SORCS3: variants seen among roughly 807,000 people sequenced by gnomAD.
SORCS3 encodes VPS10 domain-containing receptor SorCS3.
A neutral mutation model predicts 146.3 loss-of-function variants in SORCS3; 57 were observed. That is an observed-to-expected ratio of 0.39 (90% CI 0.31 to 0.49). SORCS3 has a LOEUF of 0.49. Among genes scored for constraint, SORCS3 ranks in the 20% least tolerant of loss-of-function variants. The pLI, the probability that SORCS3 is intolerant of heterozygous loss-of-function variation, is 0.92. For missense variants in SORCS3, 1,341 were observed against 1,575.5 expected (o/e 0.85, Z 2.52); for synonymous variants, 653 against 618.5 (o/e 1.06, Z -0.83).
intron 3 of SORCS3, among the ~76,000 whole-genome samples, chr10:104,938,679 A>G (rs1046330837): frequency 2.0e-5 from 3 of 151,940 alleles, no homozygotes; most frequent in Non-Finnish European, 4.4e-5. Flanking sequence ...ATTTCCACCA[A>G]CATATTATCT....
At chr10:104,930,059 AG>A (rs11292670) in intron 3 of SORCS3, among the ~76,000 whole-genome samples, 43,014 of 152,100 alleles carry the variant, frequency 0.28, 7,977 homozygotes, top group African/African-American at 0.53. Context: ...AGAAAATGGC[AG>A]AGAAATAATT....
intron 4 of SORCS3, among the ~76,000 whole-genome samples, chr10:105,036,435 A>G (rs1343793724): frequency 6.6e-6 from 1 of 152,120 alleles, no homozygotes; most frequent in Non-Finnish European, 1.5e-5. Context: ...ACACTTTGGC[A>G]CTGAGCCTTG....
At chr10:104,729,818 T>G (rs1038813255) in intron 1 of SORCS3, among the ~76,000 whole-genome samples, 9 of 152,154 alleles carry the variant, frequency 5.9e-5, no homozygotes, top group Non-Finnish European at 1.3e-4. Flanking sequence ...AACTTGGAGA[T>G]AAAACAAAAG....
At chr10:104,883,504 T>A (rs1448260281) in intron 2 of SORCS3, among the ~76,000 whole-genome samples, 2 of 152,178 alleles carry the variant, frequency 1.3e-5, no homozygotes, top group Non-Finnish European at 2.9e-5. Context: ...TATGTACTTT[T>A]AAAGGCAAAA....
intron 5 of SORCS3, among the ~76,000 whole-genome samples, chr10:105,053,929 T>C (rs1185629082): frequency 6.6e-6 from 1 of 152,084 alleles, no homozygotes; most frequent in Non-Finnish European, 1.5e-5. Context: ...AATATTGTCG[T>C]GTCAAATCCA....
intron 12 of SORCS3, among the ~76,000 whole-genome samples, chr10:105,165,857 G>C (rs1211110583): frequency 6.6e-6 from 1 of 152,032 alleles, no homozygotes; most frequent in African/African-American, 2.4e-5. Flanking sequence ...TCCAGTACTA[G>C]ACAGGGCAAA....
chr10:104,950,184 A>G (rs1354976269), intron 3 of SORCS3, among the ~76,000 whole-genome samples: 1 of 152,210 alleles, frequency 6.6e-6, no homozygotes, highest in Non-Finnish European at 1.5e-5. Flanking sequence ...TACTTCACTC[A>G]AGATCCTTTT....
At chr10:104,751,575 G>A (rs2016983610) in intron 1 of SORCS3, among the ~76,000 whole-genome samples, 1 of 152,118 alleles carries the variant, frequency 6.6e-6, no homozygotes, top group African/African-American at 2.4e-5. Flanking sequence ...AAGGCACGGT[G>A]AGTGAATGAG....
intron 4 of SORCS3, among the ~76,000 whole-genome samples, chr10:104,992,709 T>G (rs2055002031): frequency 6.6e-6 from 1 of 152,164 alleles, no homozygotes; most frequent in Non-Finnish European, 1.5e-5. Flanking sequence ...ACACATGCTT[T>G]CTTCTAGGAG....
chr10:105,133,244 A>C (rs940012722), intron 7 of SORCS3, among the ~76,000 whole-genome samples: 1 of 152,248 alleles, frequency 6.6e-6, no homozygotes, highest in African/African-American at 2.4e-5. Flanking sequence ...AGAGTTCTTC[A>C]CTACATCTGT....
intron 2 of SORCS3, among the ~76,000 whole-genome samples, chr10:104,894,656 A>G (rs2133585656): frequency 6.6e-6 from 1 of 152,298 alleles, no homozygotes; most frequent in African/African-American, 2.4e-5. Flanking sequence ...GGTATTTCTG[A>G]GCTAGCAAAA....
intron 7 of SORCS3, among the ~76,000 whole-genome samples, chr10:105,119,805 C>A (rs1327024606): frequency 2.0e-5 from 3 of 152,104 alleles, no homozygotes; most frequent in African/African-American, 7.2e-5. Flanking sequence ...CCCATTGTAT[C>A]TAGGAAGTAA....
chr10:104,830,541 G>A (rs908928516), intron 1 of SORCS3, among the ~76,000 whole-genome samples: 9 of 152,162 alleles, frequency 5.9e-5, no homozygotes, highest in Non-Finnish European at 1.3e-4. Context: ...CTGATGTGTT[G>A]TCACATCAGA....
intron 5 of SORCS3, among the ~76,000 whole-genome samples, chr10:105,074,659 T>C (rs1224772604): frequency 6.6e-6 from 1 of 152,206 alleles, no homozygotes; most frequent in Non-Finnish European, 1.5e-5. Flanking sequence ...TTACAACCTC[T>C]TCCCTGTTGT....
At chr10:105,181,081 G>A (rs982159920) in intron 14 of SORCS3, among the ~76,000 whole-genome samples, 2 of 152,180 alleles carry the variant, frequency 1.3e-5, no homozygotes, top group African/African-American at 2.4e-5. Context: ...CCATGAGGGA[G>A]GATCTTTGTG....
In SORCS3 at chr10:105,236,099, G is replaced by A. The variant is rs150480659; in HGVS notation, c.2869-9443G>A. Among the ~76,000 whole-genome samples, 692 of 152,102 alleles carry A rather than the reference G, an allele frequency of 4.5e-3. 1 individual carries two copies. Among genetic ancestry groups the A allele is most frequent in the African/African-American group, 0.014 (587 of 41,510 alleles). On this transcript the variant is annotated intron_variant, in intron 20 of 26. Coordinates refer to ENST00000369701, the MANE Select transcript of SORCS3 (RefSeq NM_014978.3). ...CTCATATTTTCAAATTAGTTTCTCCGTATAGATGACTAATGCACTTGCATT... is the reference window on the plus strand; with the variant it reads ...CTCATATTTTCAAATTAGTTTCTCCATATAGATGACTAATGCACTTGCATT...
chr10:104,998,477 G>A (rs1408426649), intron 4 of SORCS3, among the ~76,000 whole-genome samples: 1 of 152,114 alleles, frequency 6.6e-6, no homozygotes, highest in Admixed American at 6.6e-5. Context: ...AGCAGAGGAT[G>A]TCAATTTTCA....
chr10:104,965,352 A>G (rs2054820637), intron 3 of SORCS3, among the ~76,000 whole-genome samples: 1 of 152,184 alleles, frequency 6.6e-6, no homozygotes, highest in Non-Finnish European at 1.5e-5. Context: ...TGCTACATTC[A>G]ATGGTCAGTT....
chr10:105,125,678 T>C lies in SORCS3; in HGVS notation c.1213-13719T>C, dbSNP rs7916245. On this transcript the variant is annotated intron_variant, in intron 7 of 26. Coordinates refer to ENST00000369701, the MANE Select transcript of SORCS3 (RefSeq NM_014978.3). ...AACATGCATGTTGCATCACTGAATA[T>C]CCACACACACACACACACACACACA... Among the ~76,000 whole-genome samples, 202 of 7,372 alleles carry C rather than the reference T, an allele frequency of 0.027. 1 individual carries two copies. In the East Asian group the frequency reaches 0.35, roughly 13 times the overall value. 4.8% of individuals were successfully genotyped at this position (7,372 alleles called of 152,430 possible). A position where few individuals can be genotyped will look rare whatever the true frequency, so the allele number is the denominator to read the frequency against.
Sources: allele counts gnomAD v4.1 joint callset (sites outside exome capture counted in the v4.1 genomes callset), GRCh38; gene constraint gnomAD v4.1.1; transcripts MANE v1.5; gene names NCBI Gene and HGNC (gene_info 2026-07-23, HGNC 2026-07-21).